DNAI3: variants seen among roughly 807,000 people sequenced by gnomAD.
DNAI3 encodes WD repeat domain 63.
In DNAI3, 83 loss-of-function variants were observed where a neutral mutation model predicts 115.5. The ratio of observed to expected loss-of-function variants is 0.72; its 90% CI spans 0.60 to 0.86. DNAI3 has a LOEUF of 0.86. DNAI3 is among the 40% of genes least tolerant of loss of function. The pLI is 0.00. For missense variants in DNAI3, 1,004 were observed against 1,075.8 expected, an observed-to-expected ratio of 0.93 and a Z score of 0.93; for synonymous variants, 320 against 347.0, an observed-to-expected ratio of 0.92 and a Z score of 0.86.
chr1:85,124,079 C>T (rs1438341465), intron 18 of DNAI3, 42 bp from the exon 19 acceptor site: 1 of 1,612,028 alleles, frequency 6.2e-7, no homozygotes, highest in Non-Finnish European at 8.5e-7. Context: ...GGAATGCAAA[C>T]AGTGTTATTA....
At chr1:85,065,389 T>C (rs551170446) in intron 1 of DNAI3, among the ~76,000 whole-genome samples, 2 of 152,320 alleles carry the variant, frequency 1.3e-5, no homozygotes, top group East Asian at 3.9e-4. Flanking sequence ...ATGCATGCGG[T>C]AGTAAACTAT....
At chr1:85,069,680 T>C (rs980056024) in intron 1 of DNAI3, among the ~76,000 whole-genome samples, 4 of 151,902 alleles carry the variant, frequency 2.6e-5, no homozygotes, top group African/African-American at 9.7e-5. Flanking sequence ...GCGTGCCACA[T>C]ACTCCAGCCT....
intron 1 of DNAI3, among the ~76,000 whole-genome samples, chr1:85,070,134 A>G (rs1366223634): frequency 6.6e-6 from 1 of 151,906 alleles, no homozygotes; most frequent in Admixed American, 6.6e-5. Flanking sequence ...GCTGGCGTGC[A>G]CCTGTAGTCC....
At chr1:85,116,261 A>T (rs763087897) in intron 16 of DNAI3, among the ~76,000 whole-genome samples, 4 of 152,230 alleles carry the variant, frequency 2.6e-5, no homozygotes, top group Non-Finnish European at 5.9e-5. Flanking sequence ...TGTGTCCAGA[A>T]CAGGATTGAT....
intron 8 of DNAI3, 65 bp from the exon 9 acceptor site, chr1:85,093,393 G>C (rs746053334): frequency 2.1e-6 from 3 of 1,459,804 alleles, no homozygotes; most frequent in Non-Finnish European, 2.8e-6. Flanking sequence ...GAGTTGCTAA[G>C]ATAGTCACAT....
intron 17 of DNAI3, among the ~76,000 whole-genome samples, chr1:85,120,630 C>G (rs896773755): frequency 6.6e-6 from 1 of 152,140 alleles, no homozygotes; most frequent in Non-Finnish European, 1.5e-5. Flanking sequence ...GGCTAAGGGT[C>G]ACATCCATAA....
At chr1:85,111,275 A>G (rs191342183) in intron 16 of DNAI3, among the ~76,000 whole-genome samples, 1 of 152,360 alleles carries the variant, frequency 6.6e-6, no homozygotes, top group East Asian at 1.9e-4. Context: ...TTGTCAAAGC[A>G]TTATTAAAAC....
intron 13 of DNAI3, among the ~76,000 whole-genome samples, chr1:85,099,881 C>T (rs1446699895): frequency 6.6e-6 from 1 of 152,128 alleles, no homozygotes; most frequent in African/African-American, 2.4e-5. Flanking sequence ...AAAGGATTCC[C>T]TATTTAATAA....
chr1:85,104,584 T>C lies in DNAI3; in HGVS notation c.1540T>C (p.Cys514Arg), dbSNP rs770106109. The C allele has an allele frequency of 1.9e-6, 3 of 1,613,822 alleles. No homozygotes were observed. Among genetic ancestry groups the C allele is most frequent in the East Asian group, 2.2e-5 (1 of 44,842 alleles). Residue 514 changes from cysteine (C) to arginine (R), a missense_variant, in exon 14 of 23, where the codon TGT becomes CGT. By Grantham distance (180) the Cys-to-Arg change is radical. Around this residue, in one of 3 missense-constraint regions of DNAI3, gnomAD observed 25 missense variants for 53.4 expected, o/e 0.47. Transcript: ENST00000294664. ...TGGAATATGCTGTCAACTTGTCACA[T>C]GTTCAGCAGATTGGTAAGTCTTGTT... ...RSGICCQLVT[C>R]SADCTICFWD...
At chr1:85,097,377 T>C (rs887722245) in intron 11 of DNAI3, among the ~76,000 whole-genome samples, 192 bp from the exon 12 acceptor site, 52 of 152,226 alleles carry the variant, frequency 3.4e-4, no homozygotes, top group African/African-American at 1.3e-3. Flanking sequence ...GTGCTAAAGA[T>C]ACTTTTACAG....
At chr1:85,111,134 A>G (rs2100600661) in intron 16 of DNAI3, among the ~76,000 whole-genome samples, 1 of 152,364 alleles carries the variant, frequency 6.6e-6, no homozygotes, top group South Asian at 2.1e-4. Flanking sequence ...ATGTTAAATG[A>G]TAGAATATCT....
At chr1:85,106,524 A>G (rs1424167737) in intron 14 of DNAI3, among the ~76,000 whole-genome samples, 1 of 152,258 alleles carries the variant, frequency 6.6e-6, no homozygotes, top group African/African-American at 2.4e-5. Flanking sequence ...GATGCTCAAT[A>G]TCATTAGCTG....
intron 4 of DNAI3, among the ~76,000 whole-genome samples, chr1:85,082,037 C>T (rs1009132156): frequency 6.6e-6 from 1 of 152,190 alleles, no homozygotes; most frequent in Admixed American, 6.5e-5. Flanking sequence ...ATGCATGCTA[C>T]AGAGCACAAT....
At chr1:85,078,614 C>A (rs749885626) in intron 3 of DNAI3, among the ~76,000 whole-genome samples, 11 of 152,190 alleles carry the variant, frequency 7.2e-5, no homozygotes, top group Non-Finnish European at 1.2e-4. Flanking sequence ...TCAGTGTGTG[C>A]CTCAAAGCCT....
At chr1:85,078,395 A>C (rs1384934654) in intron 3 of DNAI3, among the ~76,000 whole-genome samples, 1 of 152,256 alleles carries the variant, frequency 6.6e-6, no homozygotes. Flanking sequence ...CAGTAGGTGC[A>C]CCATGGAAGT....
intron 21 of DNAI3, 98 bp downstream of exon 21, chr1:85,128,897 T>C: frequency 9.4e-7 from 1 of 1,068,888 alleles, no homozygotes; most frequent in Non-Finnish European, 1.4e-6. Context: ...TTTTGCTCTG[T>C]AAGGGAACAA....
intron 20 of DNAI3, among the ~76,000 whole-genome samples, chr1:85,128,124 T>A (rs76004739): frequency 0.15 from 4,232 of 28,288 alleles, 221 homozygotes; most frequent in African/African-American, 0.37. Context: ...AGACCCTGTC[T>A]CAAAAAAAAA....
chr1:85,108,781 C>G (rs1393338849), intron 15 of DNAI3, among the ~76,000 whole-genome samples: 1 of 152,128 alleles, frequency 6.6e-6, no homozygotes, highest in Non-Finnish European at 1.5e-5. Flanking sequence ...TTTCCTTCCC[C>G]CTTACAAGTT....
At chr1:85,076,193 C>T (rs138935037) in intron 3 of DNAI3, among the ~76,000 whole-genome samples, 46 of 152,300 alleles carry the variant, frequency 3.0e-4, no homozygotes, top group Middle Eastern at 6.8e-3. Flanking sequence ...CTTGTCACAT[C>T]TCCTTCCTTG....
Sources: gnomAD v4.1 joint callset for allele counts (sites outside exome capture counted in the v4.1 genomes callset) on GRCh38, gnomAD v4.1.1 for gene constraint, gnomAD v4.1.1 regional missense constraint, MANE v1.5 for transcripts, NCBI Gene and HGNC (gene_info 2026-07-23, HGNC 2026-07-21) for gene names.